Variants in YARS2 observed in about 807,000 individuals in gnomAD.
YARS2 encodes the protein tyrosyl-tRNA synthetase 2, also known as tyrosine--tRNA ligase, mitochondrial.
YARS2 carries 38 observed loss-of-function variants against 45.0 expected under a neutral mutation model. The ratio of observed to expected loss-of-function variants is 0.84; its 90% confidence interval spans 0.65 to 1.11. The LOEUF is 1.11. YARS2 is among the 50% of genes least tolerant of loss of function. The pLI is 0.00. For missense variants in YARS2, 602 were observed against 599.8 expected, an observed-to-expected ratio of 1.00 and a Z score of -0.04; for synonymous variants, 287 against 245.1, an observed-to-expected ratio of 1.17 and a Z score of -1.60.
chr12:32,754,726 T>TTTC (rs1955813231), intron 1 of YARS2, among the ~76,000 whole-genome samples: 1 of 150,230 alleles, frequency 6.7e-6, no homozygotes, highest in African/African-American at 2.5e-5. Flanking sequence ...TTTTTTTTTT[T>TTTC]TTTTTGAGAC....
chr12:32,751,169 C>T (rs1955737548), intron 2 of YARS2, among the ~76,000 whole-genome samples: 1 of 150,984 alleles, frequency 6.6e-6, no homozygotes, highest in Non-Finnish European at 1.5e-5. Flanking sequence ...TGGGCTCAAG[C>T]AATTCTACCA....
intron 2 of YARS2, chr12:32,752,740 CAAAAAAAAAAAAAAA>C: frequency 5.2e-6 from 1 of 193,400 alleles, no homozygotes. Context: ...GACACTGCCT[CAAAAAAAAAAAAAAA>C]AAAAAAAAAA....
At position 32,748,581 on chromosome 12, in the gene YARS2, C is replaced by T. The variant is rs775875627; in HGVS notation, c.1275-1218G>A. 4.6e-5 allele frequency among the ~76,000 whole-genome samples: 7 copies of T among 152,114 alleles called. No individual in the cohort carries two copies. The East Asian group carries it at 5.8e-4, about 13-fold the overall frequency. On this transcript the variant is annotated intron_variant, in intron 4 of 4. Transcript: ENST00000324868. ...CACTATAGTAAAGTTCAGAAGAAAA[C>T]GAAATCTGCTTCCATAGTGAGGAAA...
rs1304386255 is a variant in YARS2 at position 32,755,503 on chromosome 12, G to C, written c.372C>G (p.Gly124=). The C allele has an allele frequency of 6.2e-7, 1 of 1,612,222 alleles. No homozygotes were observed. The highest frequency in any genetic ancestry group is 1.1e-5 in the South Asian group (1 of 91,042). The change falls in exon 1 of 5, where the codon GGC becomes GGG. Residue 124 remains glycine, a synonymous_variant. Coordinates refer to ENST00000324868, the MANE Select transcript of YARS2 (RefSeq NM_001040436.3). ...GATARLGDPS[G]RTKEREALET... is the part of the protein sequence containing the mutation. ...CCAGCGCCTCGCGTTCCTTGGTACG[G>C]CCGCTCGGGTCTCCCAGGCGCGCCG...
intron 1 of YARS2, among the ~76,000 whole-genome samples, chr12:32,754,711 C>CT (rs755897245): frequency 0.052 from 6,556 of 126,690 alleles, 494 homozygotes; most frequent in African/African-American, 0.15. Flanking sequence ...GTCTGTTTCC[C>CT]TTTTTTTTTT....
At chr12:32,752,172 A>G (rs922462310) in intron 2 of YARS2, among the ~76,000 whole-genome samples, 2 of 152,240 alleles carry the variant, frequency 1.3e-5, no homozygotes, top group Non-Finnish European at 2.9e-5. Flanking sequence ...GTTAAGTGAT[A>G]TATGACTATA....
At position 32,747,135 on chromosome 12, in the gene YARS2, G is replaced by A; in HGVS notation, c.*69C>T. The A allele has an allele frequency of 6.4e-7, 1 of 1,555,532 alleles. No homozygotes were observed. The highest frequency in any genetic ancestry group is 8.8e-7 in the Non-Finnish European group (1 of 1,133,396). ...CATAAGCAAAGGTCTAAGTTCTGGA[G>A]CCAACCCTTCAGAGGTCTTGAGAAT... On this transcript the variant is annotated 3_prime_UTR_variant, in exon 5 of 5. Coordinates refer to ENST00000324868, the MANE Select transcript of YARS2 (RefSeq NM_001040436.3).
rs549681357 is a variant in YARS2 at position 32,750,411 on chromosome 12, C to T, written c.1104-304G>A. Among the ~76,000 whole-genome samples the T allele has an allele frequency of 3.3e-5, 5 of 152,270 alleles. No homozygotes were observed. In the South Asian group the frequency reaches 1.0e-3, roughly 32 times the overall value. ...GAGATGGGGGTTTCACCATGTTGGTCAGGCTGGTCTCGAACTCCTGACCTC... is the reference window on the plus strand; with the variant it reads ...GAGATGGGGGTTTCACCATGTTGGTTAGGCTGGTCTCGAACTCCTGACCTC... On this transcript the variant is annotated intron_variant, in intron 3 of 4. Coordinates refer to ENST00000324868, the MANE Select transcript of YARS2 (RefSeq NM_001040436.3).
intron 2 of YARS2, among the ~76,000 whole-genome samples, 180 bp downstream of exon 2, chr12:32,753,738 C>A (rs150300455): frequency 6.6e-6 from 1 of 152,148 alleles, no homozygotes; most frequent in Non-Finnish European, 1.5e-5. Context: ...CTGCTTTAAC[C>A]AACAAAGTGT....
chr12:32,751,080 T>C (rs1380654246), intron 2 of YARS2, among the ~76,000 whole-genome samples: 1 of 151,822 alleles, frequency 6.6e-6, no homozygotes, highest in Non-Finnish European at 1.5e-5. Flanking sequence ...TCTTTTTTTT[T>C]TTTTTGAGAT....
rs559345534 is a variant in YARS2 at position 32,755,093 on chromosome 12, T to C, written c.779+3A>G. On this transcript the variant is annotated splice_donor_region_variant and intron_variant, in intron 1 of 4. Transcript: ENST00000324868. ...GATTTCCCCAAGGTTTAAAGGCACTTACTTGTTGATGAACTCATATCCGGA... is the reference window on the plus strand; with the variant it reads ...GATTTCCCCAAGGTTTAAAGGCACTCACTTGTTGATGAACTCATATCCGGA... The C allele has an allele frequency of 3.1e-6, 5 of 1,614,156 alleles. No individual in the cohort carries two copies. The South Asian group carries it at 3.3e-5, about 11-fold the overall frequency.
In YARS2 at chr12:32,755,484, C is replaced by A; in HGVS notation, c.391G>T (p.Ala131Ser). Residue 131 changes from alanine to serine, a missense_variant, in exon 1 of 5, where the codon GCG (alanine) becomes TCG (serine). By Grantham distance (99) the Ala-to-Ser change is moderately conservative. Transcript: ENST00000324868. ...DPSGRTKERE[A>S]LETERVRANA... ...GCTCGCACGCGCTCTGTCTCCAGCG[C>A]CTCGCGTTCCTTGGTACGGCCGCTC... 1 of 1,612,288 alleles carries A rather than the reference C, an allele frequency of 6.2e-7. No homozygotes were observed. Among genetic ancestry groups the A allele is most frequent in the African/African-American group, 1.3e-5 (1 of 75,028 alleles).
chr12:32,752,953 C>T (rs1454042159), intron 2 of YARS2, among the ~76,000 whole-genome samples: 2 of 152,050 alleles, frequency 1.3e-5, no homozygotes, highest in Non-Finnish European at 2.9e-5. Flanking sequence ...TTACAATGAG[C>T]TTGTCAAGTT....
At position 32,754,009 on chromosome 12, in the gene YARS2, C is replaced by G. The variant is rs750301801; in HGVS notation, c.856G>C (p.Ala286Pro). The change falls in exon 2 of 5, where the codon GCT becomes CCT. Residue 286 changes from alanine to proline, a missense_variant. Ala to Pro is a conservative substitution (Grantham distance 27). Transcript: ENST00000324868. Reference sequence around the variant, plus strand: ...CTGTTTAGCCAAACAGCGTTGCCAGCAGACTTTCCCAGCTTTGCTCCAGTT... The same window carrying G: ...CTGTTTAGCCAAACAGCGTTGCCAGGAGACTTTCCCAGCTTTGCTCCAGTT... ...STTGAKLGKSAGNAVWLNRDK... is the reference protein window; with the variant it reads ...STTGAKLGKSPGNAVWLNRDK... 1 of 1,614,192 alleles carries G rather than the reference C, an allele frequency of 6.2e-7. No homozygotes were observed. The highest frequency in any genetic ancestry group is 1.7e-5 in the Admixed American group (1 of 60,028).
At position 32,755,129 on chromosome 12, in the gene YARS2, C is replaced by T. The variant is rs1430860018; in HGVS notation, c.746G>A (p.Gly249Asp). 1.9e-6 allele frequency: 3 copies of T among 1,614,024 alleles called. No individual in the cohort carries two copies. The African/African-American group carries it at 4.0e-5, about 22-fold the overall frequency. The change falls in exon 1 of 5, where the codon GGC becomes GAC. Residue 249 changes from glycine to aspartate, a missense_variant. Gly to Asp is a moderately conservative substitution (Grantham distance 94). Transcript: ENST00000324868. ...GAACTCATATCCGGACATGATGTTG[C>T]CTAGTTGATCAGATCCGCCCAGCTG... is the stretch of plus-strand genomic sequence containing the variant. ...RVQLGGSDQLGNIMSGYEFIN... is the reference protein window; with the variant it reads ...RVQLGGSDQLDNIMSGYEFIN...
intron 3 of YARS2, among the ~76,000 whole-genome samples, chr12:32,750,489 C>A (rs577793752): frequency 7.5e-4 from 114 of 152,334 alleles, no homozygotes; most frequent in East Asian, 1.2e-3. Context: ...GCGTGAGCCA[C>A]CGCGCCCGGC....
chr12:32,747,390 A>G (rs760836370), intron 4 of YARS2, 27 bp from the exon 5 acceptor site: 4 of 1,610,798 alleles, frequency 2.5e-6, no homozygotes, highest in East Asian at 4.5e-5. Context: ...TTTAGTAAGT[A>G]GAGAGATCCA....
chr12:32,754,073 T>G lies in YARS2; in HGVS notation c.792A>C (p.Glu264Asp). The G allele has an allele frequency of 6.2e-7, 1 of 1,614,198 alleles. No individual in the cohort carries two copies. The highest frequency in any genetic ancestry group is 8.5e-7 in the Non-Finnish European group (1 of 1,180,030). The change falls in exon 2 of 5, where the codon GAA becomes GAC. Residue 264 changes from glutamate to aspartate, a missense_variant. Transcript: ENST00000324868. ...GYEFINKLTG[E>D]DVFGITVPLI... ...GAGGAACGGTGATTCCAAATACATC[T>G]TCTCCAGTCAACCTACGCATAAAGA...
Position 32,747,032 on chromosome 12 carries a change from CAA to C in YARS2, c.*170_*171del. On this transcript the variant is annotated 3_prime_UTR_variant, in exon 5 of 5. Transcript: ENST00000324868. ...GAAAATAAAACATCCCATTATTAAA[CAA>C]ATATTTATTAACCGGCCCATAAAAA... 1.6e-6 allele frequency: 1 copy of C among 621,580 alleles called. No individual in the cohort carries two copies. Among genetic ancestry groups the C allele is most frequent in the Non-Finnish European group, 2.8e-6 (1 of 362,660 alleles). 38.5% of individuals were successfully genotyped at this position (621,580 alleles called of 1,614,324 possible).
Sources: gnomAD v4.1 joint callset for allele counts (sites outside exome capture counted in the v4.1 genomes callset) on GRCh38, gnomAD v4.1.1 for gene constraint, MANE v1.5 for transcripts, NCBI Gene and HGNC (gene_info 2026-07-23, HGNC 2026-07-21) for gene names.